CNOT6L: variants seen among roughly 807,000 people sequenced by gnomAD.
CNOT6L encodes the protein CCR4-NOT transcription complex subunit 6-like.
CNOT6L carries 7 observed loss-of-function variants against 64.0 expected under a neutral mutation model. The ratio of observed to expected loss-of-function variants is 0.11; its 90% CI spans 0.06 to 0.21. The LOEUF is 0.21. Among genes scored for constraint, CNOT6L ranks in the 10% least tolerant of loss-of-function variants. CNOT6L has a pLI of 1.00. For synonymous variants in CNOT6L, 193 were observed against 243.4 expected (o/e 0.79, Z 1.93); for missense variants, 245 against 669.0 (o/e 0.37, Z 6.99).
At chr4:77,785,465 T>G (rs1729322078) in intron 1 of CNOT6L, among the ~76,000 whole-genome samples, 1 of 151,994 alleles carries the variant, frequency 6.6e-6, no homozygotes, top group Non-Finnish European at 1.5e-5. Context: ...CTTTGAAATT[T>G]GAAGGAAAAG....
rs1726093763 is a variant in CNOT6L, at chr4:77,760,615, GAA to G, written c.401-3666_401-3665del. ...CCGAATTCAAAGCGTGGCACAGTTT[GAA>G]AAAGAGGCAATAAAACTGATACATT... is the stretch of plus-strand genomic sequence containing the variant. On this transcript the variant is annotated intron_variant, in intron 4 of 11. Transcript: ENST00000504123. Among the ~76,000 whole-genome samples, 2 of 150,870 alleles carry G rather than the reference GAA, an allele frequency of 1.3e-5. 1 individual carries two copies. The highest frequency in any genetic ancestry group is 4.9e-5 in the African/African-American group (2 of 41,026).
intron 9 of CNOT6L, among the ~76,000 whole-genome samples, chr4:77,729,839 A>G (rs896425044): frequency 2.6e-5 from 4 of 152,042 alleles, no homozygotes; most frequent in Non-Finnish European, 5.9e-5. Context: ...GGAATACATT[A>G]AGATTTTTGA....
At chr4:77,750,336 G>A (rs551509177) in intron 5 of CNOT6L, among the ~76,000 whole-genome samples, 1 of 152,132 alleles carries the variant, frequency 6.6e-6, no homozygotes, top group East Asian at 1.9e-4. Context: ...ATATATTCAT[G>A]TGAGACATGC....
chr4:77,725,257 T>G (rs771856520), intron 11 of CNOT6L, among the ~76,000 whole-genome samples: 19 of 152,166 alleles, frequency 1.2e-4, no homozygotes, highest in Non-Finnish European at 1.9e-4. Context: ...CACACAAAAA[T>G]AGAAAAAGGT....
intron 11 of CNOT6L, among the ~76,000 whole-genome samples, chr4:77,722,635 TA>T (rs999304853): frequency 6.6e-6 from 1 of 152,208 alleles, no homozygotes; most frequent in African/African-American, 2.4e-5. Flanking sequence ...AAGAAAAAGT[TA>T]AACACTCCAG....
chr4:77,804,125 C>T (rs887704170), intron 1 of CNOT6L, among the ~76,000 whole-genome samples: 6 of 151,958 alleles, frequency 3.9e-5, no homozygotes, highest in Non-Finnish European at 7.4e-5. Context: ...ATTGTTCACT[C>T]ATAAAAAGGA....
At chr4:77,802,165 T>C (rs201682019) in intron 1 of CNOT6L, among the ~76,000 whole-genome samples, 26 of 152,290 alleles carry the variant, frequency 1.7e-4, no homozygotes, top group African/African-American at 6.3e-4. Context: ...GTGTTACAAA[T>C]ACAGTAATTT....
At chr4:77,740,476 G>A (rs536460933) in intron 8 of CNOT6L, among the ~76,000 whole-genome samples, 1 of 152,266 alleles carries the variant, frequency 6.6e-6, no homozygotes, top group South Asian at 2.1e-4. Flanking sequence ...GAAGGCTAAA[G>A]ATTCAGTTTA....
intron 10 of CNOT6L, 69 bp from the exon 11 acceptor site, chr4:77,726,438 T>C: frequency 8.0e-7 from 1 of 1,244,376 alleles, no homozygotes; most frequent in South Asian, 1.4e-5. Context: ...CAGCCAAGAC[T>C]TGTTACCAGG....
chr4:77,759,940 T>C (rs560506639), intron 4 of CNOT6L, among the ~76,000 whole-genome samples: 23 of 152,270 alleles, frequency 1.5e-4, no homozygotes, highest in African/African-American at 5.5e-4. Flanking sequence ...AATAAAATCA[T>C]ACAAAACATA....
At position 77,756,905 on chromosome 4, in the gene CNOT6L, A is replaced by G; in HGVS notation, c.447T>C (p.Asp149=). The stretch of plus-strand genomic sequence containing the variant: ...TGAAGTTCAGTAGCTTTCGGGTTCC[A>G]TCTGGGTCCTGGTATAAGTTGAGAA... ...QDILNLYQDP[D]GTRKLLNFML... The change falls in exon 5 of 12, where the codon GAT becomes GAC. Residue 149 remains aspartate, a synonymous_variant. Transcript: ENST00000504123. 6.2e-7 allele frequency: 1 copy of G among 1,610,954 alleles called. No individual in the cohort carries two copies.
intron 1 of CNOT6L, among the ~76,000 whole-genome samples, chr4:77,798,231 C>G (rs755134743): frequency 3.3e-5 from 5 of 152,156 alleles, no homozygotes; most frequent in African/African-American, 4.8e-5. Flanking sequence ...AGGAGGACTG[C>G]TTGAGCCCAG....
At chr4:77,781,787 A>T (rs898540928) in intron 1 of CNOT6L, among the ~76,000 whole-genome samples, 2 of 152,184 alleles carry the variant, frequency 1.3e-5, no homozygotes, top group Non-Finnish European at 2.9e-5. Context: ...TTTCTCTCTT[A>T]TCACCCTAAG....
At chr4:77,739,792 T>C (rs1336482830) in intron 8 of CNOT6L, among the ~76,000 whole-genome samples, 1 of 152,238 alleles carries the variant, frequency 6.6e-6, no homozygotes, top group Non-Finnish European at 1.5e-5. Flanking sequence ...ATGTGCTCAT[T>C]ACTTAACTAG....
intron 1 of CNOT6L, among the ~76,000 whole-genome samples, chr4:77,796,131 T>C (rs1248617562): frequency 6.6e-6 from 1 of 152,096 alleles, no homozygotes; most frequent in Non-Finnish European, 1.5e-5. Flanking sequence ...ATCTAATAGG[T>C]AGTTGTTCAG....
intron 1 of CNOT6L, among the ~76,000 whole-genome samples, chr4:77,791,843 A>G (rs1730184680): frequency 6.6e-6 from 1 of 152,194 alleles, no homozygotes; most frequent in South Asian, 2.1e-4. Flanking sequence ...TCTAAAGGAA[A>G]CACTGCATGT....
intron 4 of CNOT6L, among the ~76,000 whole-genome samples, chr4:77,758,532 C>T (rs1437373912): frequency 6.6e-6 from 1 of 152,182 alleles, no homozygotes; most frequent in Non-Finnish European, 1.5e-5. Context: ...GCTGTCACTC[C>T]TGTCCTCACA....
chr4:77,751,612 C>G (rs998477825), intron 5 of CNOT6L, among the ~76,000 whole-genome samples: 1 of 152,102 alleles, frequency 6.6e-6, no homozygotes, highest in South Asian at 2.1e-4. Context: ...AACTAAACTT[C>G]TGAAAACTAA....
At chr4:77,761,216 C>CAAACA (rs751370530) in intron 4 of CNOT6L, among the ~76,000 whole-genome samples, 7 of 151,728 alleles carry the variant, frequency 4.6e-5, no homozygotes, top group Admixed American at 4.6e-4. Context: ...TCCAAACAAA[C>CAAACA]AAACAAAACA....
Sources: allele counts gnomAD v4.1 joint callset (sites outside exome capture counted in the v4.1 genomes callset), GRCh38; gene constraint gnomAD v4.1.1; transcripts MANE v1.5; gene names NCBI Gene and HGNC (gene_info 2026-07-23, HGNC 2026-07-21).